VPS13A: variants seen among roughly 807,000 people sequenced by gnomAD.
VPS13A encodes vacuolar protein sorting 13 homolog A.
In VPS13A, 264 loss-of-function variants were observed where a neutral mutation model predicts 390.9. That is an observed-to-expected ratio of 0.68 (90% CI 0.61 to 0.75). VPS13A has a LOEUF of 0.75. VPS13A is among the 30% of genes least tolerant of loss of function. The pLI, the probability that VPS13A is intolerant of heterozygous loss-of-function variation, is 0.00. For synonymous variants in VPS13A, 1,231 were observed against 1,227.1 expected, an observed-to-expected ratio of 1.00 and a Z score of -0.07; for missense variants, 3,409 against 3,733.9, an observed-to-expected ratio of 0.91 and a Z score of 2.27.
chr9:77,340,668 T>C, intron 50 of VPS13A, 118 bp downstream of exon 50: 2 of 1,262,692 alleles, frequency 1.6e-6, no homozygotes. Flanking sequence ...TTGTTTTAGT[T>C]TCATGAATCT....
At chr9:77,414,599 G>A (rs905917596) in intron 71 of VPS13A, among the ~76,000 whole-genome samples, 13 of 151,980 alleles carry the variant, frequency 8.6e-5, no homozygotes, top group African/African-American at 1.9e-4. Flanking sequence ...TGGGATGGGG[G>A]GAGGGAGGAG....
At chr9:77,289,442 A>G (rs1371635122) in intron 31 of VPS13A, among the ~76,000 whole-genome samples, 6 of 151,866 alleles carry the variant, frequency 4.0e-5, no homozygotes, top group Non-Finnish European at 8.8e-5. Flanking sequence ...ATTAATTATC[A>G]TTTATTTTAT....
At chr9:77,238,493 C>G in intron 19 of VPS13A, 107 bp downstream of exon 19, 1 of 886,192 alleles carries the variant, frequency 1.1e-6, no homozygotes, top group East Asian at 2.7e-5. Flanking sequence ...TATTATATTT[C>G]TAGACTGGTT....
chr9:77,378,755 T>G (rs115303087), intron 67 of VPS13A, among the ~76,000 whole-genome samples: 1 of 151,944 alleles, frequency 6.6e-6, no homozygotes, highest in Non-Finnish European at 1.5e-5. Context: ...AGTTTGCTTT[T>G]TCTACTTTCT....
intron 32 of VPS13A, among the ~76,000 whole-genome samples, chr9:77,294,949 T>C (rs2131374996): frequency 6.6e-6 from 1 of 151,958 alleles, no homozygotes; most frequent in East Asian, 1.9e-4. Context: ...CATGTTATCC[T>C]ACTACCTCAG....
chr9:77,205,508 A>G (rs1825588408), intron 4 of VPS13A, 100 bp downstream of exon 4: 3 of 525,760 alleles, frequency 5.7e-6, no homozygotes, highest in Non-Finnish European at 5.9e-6. Context: ...TGAGATTTTA[A>G]TATTTAAATT....
intron 71 of VPS13A, among the ~76,000 whole-genome samples, chr9:77,414,146 G>C (rs916021509): frequency 2.0e-4 from 31 of 152,338 alleles, no homozygotes; most frequent in Middle Eastern, 3.4e-3. Context: ...TGGTGGGAGT[G>C]TAAACTAGTT....
At chr9:77,371,468 C>G (rs906949312) in intron 67 of VPS13A, among the ~76,000 whole-genome samples, 2 of 152,164 alleles carry the variant, frequency 1.3e-5, no homozygotes, top group South Asian at 2.1e-4. Flanking sequence ...GAACCCACTC[C>G]CACAGCAACA....
intron 53 of VPS13A, among the ~76,000 whole-genome samples, chr9:77,352,640 CTT>C (rs1195152600): frequency 6.6e-6 from 1 of 152,078 alleles, no homozygotes; most frequent in African/African-American, 2.4e-5. Context: ...ATTAGAAAGA[CTT>C]CAGTGAAATA....
intron 34 of VPS13A, among the ~76,000 whole-genome samples, chr9:77,305,142 G>A (rs1468505865): frequency 6.6e-6 from 1 of 152,008 alleles, no homozygotes; most frequent in Non-Finnish European, 1.5e-5. Context: ...ATTTCACCGT[G>A]TTAGCCAGGA....
intron 71 of VPS13A, among the ~76,000 whole-genome samples, chr9:77,409,615 G>A (rs1265454196): frequency 2.0e-5 from 3 of 151,850 alleles, no homozygotes; most frequent in Non-Finnish European, 4.4e-5. Flanking sequence ...GGACCTGATG[G>A]AGCTGAAAAC....
intron 62 of VPS13A, 118 bp downstream of exon 62, chr9:77,368,254 A>G: frequency 1.3e-6 from 1 of 799,078 alleles, no homozygotes; most frequent in Admixed American, 2.2e-5. Context: ...TCAAATTATT[A>G]AAGCATGGGT....
intron 52 of VPS13A, among the ~76,000 whole-genome samples, chr9:77,346,068 C>T (rs1197307342): frequency 6.6e-6 from 1 of 152,062 alleles, no homozygotes; most frequent in Non-Finnish European, 1.5e-5. Context: ...GATAGTTCTG[C>T]TTTTAGTTCT....
chr9:77,369,189 T>G, intron 62 of VPS13A, 110 bp from the exon 63 acceptor site: 1 of 783,974 alleles, frequency 1.3e-6, no homozygotes, highest in Non-Finnish European at 2.2e-6. Context: ...GGAGTTGAAA[T>G]TGGCATTAAA....
chr9:77,266,209 C>A (rs1826026819), intron 23 of VPS13A, among the ~76,000 whole-genome samples: 1 of 152,112 alleles, frequency 6.6e-6, no homozygotes, highest in Non-Finnish European at 1.5e-5. Context: ...GTTTTACCTT[C>A]AATTATGTGA....
In VPS13A at chr9:77,358,322, C is replaced by T. The variant is rs1563956475; in HGVS notation, c.7954-35C>T. 3.3e-6 allele frequency: 5 copies of T among 1,495,332 alleles called. No individual in the cohort carries two copies. The South Asian group carries it at 5.7e-5, about 17-fold the overall frequency. 92.6% of individuals were successfully genotyped at this position (1,495,332 alleles called of 1,614,324 possible). On this transcript the variant is annotated intron_variant, in intron 56 of 71. Transcript: ENST00000360280. ...TATTCTGGTCAGGTTGTATAATTGA[C>T]ATATTAATATACTGATGTGTTTTTA...
chr9:77,243,140 T>G (rs1404488876), intron 19 of VPS13A, among the ~76,000 whole-genome samples: 1 of 152,174 alleles, frequency 6.6e-6, no homozygotes, highest in African/African-American at 2.4e-5. Flanking sequence ...TTCCTTTTAT[T>G]TTGTTACATT....
chr9:77,222,664 T>G (rs1338280767), intron 13 of VPS13A, among the ~76,000 whole-genome samples: 2 of 152,176 alleles, frequency 1.3e-5, no homozygotes, highest in Non-Finnish European at 2.9e-5. Context: ...TCCCACAATA[T>G]TTGAAACTGT....
At chr9:77,214,213 T>C in intron 9 of VPS13A, 116 bp from the exon 10 acceptor site, 1 of 831,742 alleles carries the variant, frequency 1.2e-6, no homozygotes, top group South Asian at 1.4e-5. Flanking sequence ...GAGACAGGGG[T>C]TGCAGTGAGC....
Sources: allele counts gnomAD v4.1 joint callset (sites outside exome capture counted in the v4.1 genomes callset), GRCh38; gene constraint gnomAD v4.1.1; transcripts MANE v1.5; gene names NCBI Gene and HGNC (gene_info 2026-07-23, HGNC 2026-07-21).